The following NLN variants were observed in gnomAD, a reference collection of about 807,000 sequenced individuals.
The protein encoded by NLN is neurolysin, also known as neurolysin, mitochondrial.
Under a neutral mutation model 79.9 loss-of-function variants are expected in NLN, and 64 were observed. The ratio of observed to expected loss-of-function variants is 0.80; its 90% CI spans 0.65 to 0.99. The LOEUF (loss-of-function observed/expected upper bound fraction) is 0.99, where lower values mean the gene tolerates loss of function less well. Ranked by LOEUF, NLN falls within the 50% of genes least tolerant of loss-of-function variation. The pLI, the probability that NLN is intolerant of heterozygous loss-of-function variation, is 0.00. For synonymous variants in NLN, 267 were observed against 296.6 expected (o/e 0.90, Z 1.02); for missense variants, 835 against 858.7 (o/e 0.97, Z 0.34).
At chr5:65,740,884 T>C (rs1373964086) in intron 1 of NLN, 1 of 166,088 alleles carries the variant, frequency 6.0e-6, no homozygotes, top group South Asian at 1.8e-4. Flanking sequence ...TTTTTTTTTT[T>C]TTTTCTTGAG....
chr5:65,728,820 A>T (rs988490863), intron 1 of NLN, among the ~76,000 whole-genome samples: 8 of 152,202 alleles, frequency 5.3e-5, no homozygotes, highest in African/African-American at 1.7e-4. Context: ...AAAGTCAGAC[A>T]AATTCAATTA....
At chr5:65,792,829 A>G (rs1760097712) in intron 9 of NLN, 174 bp downstream of exon 9, 2 of 675,114 alleles carry the variant, frequency 3.0e-6, no homozygotes, top group Non-Finnish European at 5.4e-6. Flanking sequence ...TTCACAACAT[A>G]TTTTTACTTG....
rs777445413 is a variant in NLN at position 65,785,834 on chromosome 5, C to T, written c.882C>T (p.Leu294=). The part of the protein sequence containing the change: ...LPLRTKVAKL[L]GYSTHADFVL... ...TGCGAACCAAGGTGGCCAAACTACT[C>T]GGTTATAGCACACATGCTGACTTCG... is the stretch of plus-strand genomic sequence containing the variant. The change falls in exon 7 of 13, where the codon CTC becomes CTT. Residue 294 remains leucine (L), a synonymous_variant. Coordinates refer to ENST00000380985, the MANE Select transcript of NLN (RefSeq NM_020726.5). 4.3e-6 allele frequency: 7 copies of T among 1,613,576 alleles called. No individual in the cohort carries two copies. Among genetic ancestry groups the T allele is most frequent in the East Asian group, 2.2e-5 (1 of 44,892 alleles).
At chr5:65,776,295 T>C (rs533966353) in intron 3 of NLN, among the ~76,000 whole-genome samples, 53 of 152,294 alleles carry the variant, frequency 3.5e-4, no homozygotes, top group Admixed American at 7.2e-4. Flanking sequence ...TGAGATACAG[T>C]TGGCTGTATT....
chr5:65,749,296 A>G (rs942220338), intron 1 of NLN, among the ~76,000 whole-genome samples: 33 of 152,354 alleles, frequency 2.2e-4, no homozygotes, highest in African/African-American at 7.7e-4. Context: ...AAAGAGAGTT[A>G]GTAAGGGATG....
Position 65,809,530 on chromosome 5 carries a change from T to C in NLN, c.1543T>C (p.Phe515Leu). Reference sequence around the variant, plus strand: ...TGCTTTCTAGACTGATTTTGCACGATTTAGCGGAACAAATGTGGAAACTGA... The same window carrying C: ...TGCTTTCTAGACTGATTTTGCACGACTTAGCGGAACAAATGTGGAAACTGA... ...QICAQTDFAR[F>L]SGTNVETDFV... Residue 515 changes from phenylalanine (F) to leucine (L), a missense_variant, in exon 10 of 13, where the codon TTT becomes CTT. Transcript: ENST00000380985. 1 of 1,602,498 alleles carries C rather than the reference T, an allele frequency of 6.2e-7. No individual in the cohort carries two copies. Among genetic ancestry groups the C allele is most frequent in the Non-Finnish European group, 8.5e-7 (1 of 1,176,840 alleles).
intron 1 of NLN, among the ~76,000 whole-genome samples, chr5:65,757,163 C>A (rs1439965243): frequency 6.6e-6 from 1 of 152,202 alleles, no homozygotes; most frequent in Non-Finnish European, 1.5e-5. Context: ...ACAGTACATG[C>A]TCATAAATAT....
chr5:65,780,595 T>A (rs947046039), intron 5 of NLN, among the ~76,000 whole-genome samples: 3 of 151,730 alleles, frequency 2.0e-5, no homozygotes, highest in Admixed American at 6.6e-5. Context: ...TGCCTTAAAA[T>A]TTTTTTTTGA....
At chr5:65,809,992 GT>G (rs1307681113) in intron 10 of NLN, 44 bp from the exon 11 acceptor site, 2 of 1,605,030 alleles carry the variant, frequency 1.2e-6, no homozygotes, top group South Asian at 2.2e-5. Flanking sequence ...AAAACACACA[GT>G]TCTGTCTTCT....
At chr5:65,768,615 A>T (rs538188274) in intron 3 of NLN, among the ~76,000 whole-genome samples, 1 of 152,340 alleles carries the variant, frequency 6.6e-6, no homozygotes, top group African/African-American at 2.4e-5. Flanking sequence ...AATGACAGAA[A>T]TTAACTTTTT....
rs6862886 is a variant in NLN at position 65,787,969 on chromosome 5, G to T, written c.959-149G>T. 124,252 of 728,658 alleles carry T rather than the reference G, an allele frequency of 0.17. 12,535 individuals are homozygous for T. The highest frequency in any genetic ancestry group is 0.35 in the African/African-American group (19,887 of 56,106). 45.1% of individuals were successfully genotyped at this position (728,658 alleles called of 1,614,324 possible). A position where few individuals can be genotyped will look rare whatever the true frequency, so the allele number is the denominator to read the frequency against. Reference sequence around the variant, plus strand: ...AATACAGCCTGCTTTCCTCCCTCACGTTTTTCCTCCTCCTTTACCTCTTTC... The same window carrying T: ...AATACAGCCTGCTTTCCTCCCTCACTTTTTTCCTCCTCCTTTACCTCTTTC... On this transcript the variant is annotated intron_variant, in intron 7 of 12. Coordinates refer to ENST00000380985, the MANE Select transcript of NLN (RefSeq NM_020726.5).
At position 65,823,832 on chromosome 5, in the gene NLN, T is replaced by C. The variant is rs2150780818; in HGVS notation, c.*917T>C. On this transcript the variant is annotated 3_prime_UTR_variant, in exon 13 of 13. Coordinates refer to ENST00000380985, the MANE Select transcript of NLN (RefSeq NM_020726.5). ...TCACAAATGGCTCTGTAGAGAGCCA[T>C]GGGAAGAGAGAGGAGGTGGATGTGG... 1 of 152,210 alleles carries C rather than the reference T, an allele frequency of 6.6e-6. No homozygotes were observed. Among genetic ancestry groups the C allele is most frequent in the Middle Eastern group, 3.4e-3 (1 of 294 alleles). The allele number at this position is 152,210 out of a possible 1,614,324, so 9.4% of individuals were successfully genotyped here. A position where few individuals can be genotyped will look rare whatever the true frequency, so the allele number is the denominator to read the frequency against.
In NLN at chr5:65,787,332, A is replaced by G. The variant is rs1040326760; in HGVS notation, c.959-786A>G. ...CGCACACATGCACATGGATATATAT[A>G]TGGAAAACTATATCTTTGTATCCTC... On this transcript the variant is annotated intron_variant, in intron 7 of 12. Transcript: ENST00000380985. Among the ~76,000 whole-genome samples, 5 of 152,210 alleles carry G rather than the reference A, an allele frequency of 3.3e-5. No homozygotes were observed. In the East Asian group the frequency reaches 9.6e-4, roughly 29 times the overall value.
At chr5:65,726,284 A>G (rs1758469564) in intron 1 of NLN, among the ~76,000 whole-genome samples, 1 of 152,222 alleles carries the variant, frequency 6.6e-6, no homozygotes, top group African/African-American at 2.4e-5. Context: ...ACTCAAAGGT[A>G]GAGATTTAAT....
chr5:65,822,094 T>C (rs908532596), intron 12 of NLN, among the ~76,000 whole-genome samples: 2 of 152,238 alleles, frequency 1.3e-5, no homozygotes, highest in Admixed American at 6.5e-5. Context: ...TATTGAACAA[T>C]GCTGATACTG....
At chr5:65,752,749 A>G (rs1355081647) in intron 1 of NLN, among the ~76,000 whole-genome samples, 1 of 152,252 alleles carries the variant, frequency 6.6e-6, no homozygotes, top group Non-Finnish European at 1.5e-5. Context: ...TAATGCAGAA[A>G]GAAAGTACTC....
chr5:65,802,305 A>C (rs1342114371), intron 9 of NLN, among the ~76,000 whole-genome samples: 1 of 152,220 alleles, frequency 6.6e-6, no homozygotes, highest in Non-Finnish European at 1.5e-5. Context: ...ATGGCGGTGC[A>C]AGCAGCTCCA....
intron 7 of NLN, 122 bp from the exon 8 acceptor site, chr5:65,787,996 G>A (rs1190693323): frequency 1.6e-5 from 15 of 932,648 alleles, no homozygotes; most frequent in East Asian, 2.4e-5. Context: ...ACCTCTTTCC[G>A]CCTTATTTAT....
Position 65,777,529 on chromosome 5 carries a change from C to A in NLN, c.553C>A (p.Gln185Lys). 6.4e-7 allele frequency: 1 copy of A among 1,562,904 alleles called. No individual in the cohort carries two copies. The highest frequency in any genetic ancestry group is 8.8e-7 in the Non-Finnish European group (1 of 1,137,632). Reference sequence around the variant, plus strand: ...TGGGCTCCATCTTCCTGAACAAGTACAGAATGTGAGTTTATGTTTTCTTTT... The same window carrying A: ...TGGGCTCCATCTTCCTGAACAAGTAAAGAATGTGAGTTTATGTTTTCTTTT... ...RNGLHLPEQV[Q>K]NEIKSMKKRM... Residue 185 changes from glutamine (Q) to lysine (K), a missense_variant, in exon 4 of 13, where the codon CAG becomes AAG. Physicochemically the swap from Gln to Lys is moderately conservative, Grantham distance 53. Coordinates refer to ENST00000380985, the MANE Select transcript of NLN (RefSeq NM_020726.5).
Sources: gnomAD v4.1 joint callset for allele counts (sites outside exome capture counted in the v4.1 genomes callset) on GRCh38, gnomAD v4.1.1 for gene constraint, MANE v1.5 for transcripts, NCBI Gene and HGNC (gene_info 2026-07-23, HGNC 2026-07-21) for gene names.